The following PBRM1 variants were observed in gnomAD, a reference collection of about 807,000 sequenced individuals.
The protein encoded by PBRM1 is polybromo 1, also known as protein polybromo-1.
Under a neutral mutation model 194.5 loss-of-function variants are expected in PBRM1, and 27 were observed. That is an observed-to-expected ratio of 0.14 (90% CI 0.10 to 0.19). PBRM1 has a LOEUF of 0.19. PBRM1 is among the 10% of genes least tolerant of loss of function. The probability of loss-of-function intolerance (pLI) is 1.00; values close to 1 mark genes in which losing one functional copy is unlikely to be tolerated. For missense variants in PBRM1, 1,466 were observed against 2,077.2 expected (o/e 0.71, Z 5.72); for synonymous variants, 655 against 693.2 (o/e 0.94, Z 0.87).
At chr3:52,550,584 T>C (rs1405014762) in exon 29 of PBRM1, 1 of 1,538,448 alleles carries the variant, frequency 6.5e-7, no homozygotes, top group African/African-American at 1.4e-5. Flanking sequence ...CAGCTGGATG[T>C]GGGCCGGGAT....
At chr3:52,616,211 A>AT (rs1018174519) in intron 14 of PBRM1, among the ~76,000 whole-genome samples, 2 of 152,268 alleles carry the variant, frequency 1.3e-5, no homozygotes, top group East Asian at 1.9e-4. Flanking sequence ...AGATAGAACC[A>AT]TTTTTTTATC....
chr3:52,547,007 T>A (rs2079766161), downstream of PBRM1: 1 of 233,216 alleles, frequency 4.3e-6, no homozygotes, highest in African/African-American at 2.2e-5. Context: ...AGGCAATCAA[T>A]CTACTTGTTC....
In PBRM1 at chr3:52,588,568, T is replaced by C. The variant is rs1401855482; in HGVS notation, c.2965+502A>G. On this transcript the variant is annotated intron_variant, in intron 18 of 29. Transcript: ENST00000296302. ...TATTTCTTTCTTTTTTTTTTTTTTT[T>C]TTTTTGAGACAGTCTCACTCTGTCA... Among the ~76,000 whole-genome samples the C allele has an allele frequency of 1.0e-4, 12 of 118,486 alleles. No individual in the cohort carries two copies. The East Asian group carries it at 2.8e-3, about 28-fold the overall frequency. The allele number at this position is 118,486 out of a possible 152,430, so 77.7% of individuals were successfully genotyped here.
chr3:52,672,974 T>A (rs577789550), intron 2 of PBRM1, among the ~76,000 whole-genome samples: 1 of 152,194 alleles, frequency 6.6e-6, no homozygotes, highest in South Asian at 2.1e-4. Flanking sequence ...TTAAGAGCTA[T>A]TAATTTTTTT....
chr3:52,551,259 T>A (rs970492551), intron 27 of PBRM1, among the ~76,000 whole-genome samples: 5 of 152,198 alleles, frequency 3.3e-5, no homozygotes, highest in Non-Finnish European at 1.5e-5. Context: ...GGGAAGAGGC[T>A]GTGGAAGTGC....
intron 2 of PBRM1, among the ~76,000 whole-genome samples, chr3:52,671,958 G>C (rs1423895521): frequency 1.3e-5 from 2 of 152,092 alleles, no homozygotes; most frequent in Non-Finnish European, 2.9e-5. Flanking sequence ...TTAACTCACA[G>C]CTTTCTACAG....
At chr3:52,586,108 G>T in intron 20 of PBRM1, 1 of 181,168 alleles carries the variant, frequency 5.5e-6, no homozygotes, top group East Asian at 1.4e-4. Flanking sequence ...GCTAATTTTT[G>T]TATTTTTAGT....
intron 12 of PBRM1, among the ~76,000 whole-genome samples, chr3:52,628,429 T>C (rs1198515885): frequency 6.8e-6 from 1 of 147,742 alleles, no homozygotes; most frequent in African/African-American, 2.5e-5. Context: ...TTATAATACA[T>C]AAGTATAATA....
downstream of PBRM1, chr3:52,546,171 C>T (rs2079655071): frequency 4.3e-6 from 1 of 232,104 alleles, no homozygotes; most frequent in Non-Finnish European, 8.5e-6. Flanking sequence ...TCATCCAGAC[C>T]TTAAGGGAAA....
rs372808545 is a variant in PBRM1 at position 52,580,260 on chromosome 3, CA to C, written c.3388-1062del. On this transcript the variant is annotated intron_variant, in intron 20 of 29. Coordinates refer to ENST00000296302, the Ensembl canonical transcript of PBRM1. ...ATCTCAAACAAAAGAAAACAAACCA[CA>C]AAAAACAACTGATAGATCTAAAATT... Among the ~76,000 whole-genome samples, 47 of 152,126 alleles carry C rather than the reference CA, an allele frequency of 3.1e-4. 1 individual carries two copies. In the East Asian group the frequency reaches 6.2e-3, roughly 20 times the overall value.
chr3:52,682,455 C>CA (rs1158950297), upstream of PBRM1, among the ~76,000 whole-genome samples: 3 of 150,178 alleles, frequency 2.0e-5, no homozygotes, highest in African/African-American at 7.4e-5. Flanking sequence ...AATCAAATGA[C>CA]AAAAAAATAC....
At chr3:52,658,805 A>G (rs1253780986) in intron 4 of PBRM1, among the ~76,000 whole-genome samples, 1 of 152,292 alleles carries the variant, frequency 6.6e-6, no homozygotes, top group East Asian at 1.9e-4. Flanking sequence ...ATATGAACCT[A>G]ATGAGGTGCC....
chr3:52,596,909 G>A (rs755117883), intron 17 of PBRM1, among the ~76,000 whole-genome samples: 26 of 152,076 alleles, frequency 1.7e-4, no homozygotes, highest in Non-Finnish European at 3.1e-4. Flanking sequence ...TTGCCTAATA[G>A]TTGTAGTCCT....
upstream of PBRM1, among the ~76,000 whole-genome samples, chr3:52,683,249 C>A (rs1454933672): frequency 1.3e-5 from 2 of 151,816 alleles, no homozygotes; most frequent in African/African-American, 4.8e-5. Context: ...CAGTGCATGC[C>A]TGTAAACCCA....
At chr3:52,576,751 T>A in intron 21 of PBRM1, 53 bp from the exon 24 acceptor site, 1 of 1,396,410 alleles carries the variant, frequency 7.2e-7, no homozygotes, top group African/African-American at 1.5e-5. Flanking sequence ...TCTTGAAGGA[T>A]TAATCTAACA....
At chr3:52,574,322 G>A (rs2088605917) in intron 22 of PBRM1, among the ~76,000 whole-genome samples, 1 of 152,140 alleles carries the variant, frequency 6.6e-6, no homozygotes, top group Non-Finnish European at 1.5e-5. Context: ...GTATTCACGA[G>A]GACAAGCCCT....
At chr3:52,607,575 C>T (rs1335221762) in intron 16 of PBRM1, among the ~76,000 whole-genome samples, 1 of 152,072 alleles carries the variant, frequency 6.6e-6, no homozygotes, top group Non-Finnish European at 1.5e-5. Context: ...GAACTAACAC[C>T]AAGATGTAAT....
chr3:52,562,031 T>G, intron 24 of PBRM1, 63 bp from the exon 27 acceptor site: 1 of 1,385,124 alleles, frequency 7.2e-7, no homozygotes, highest in East Asian at 2.3e-5. Context: ...GCTCAAAATT[T>G]CAGAAGCCAG....
At chr3:52,622,651 C>A (rs1189213028) in intron 13 of PBRM1, among the ~76,000 whole-genome samples, 1 of 152,136 alleles carries the variant, frequency 6.6e-6, no homozygotes, top group Non-Finnish European at 1.5e-5. Context: ...GGAACCCAAC[C>A]CAATCTGAAA....
Sources: allele counts gnomAD v4.1 joint callset (sites outside exome capture counted in the v4.1 genomes callset), GRCh38; gene constraint gnomAD v4.1.1; transcripts MANE v1.5; gene names NCBI Gene and HGNC (gene_info 2026-07-23, HGNC 2026-07-21).